Variants in PAK1 observed in about 807,000 individuals in gnomAD.
The protein encoded by PAK1 is serine/threonine-protein kinase PAK 1.
A neutral mutation model predicts 67.4 loss-of-function variants in PAK1; 29 were observed. The observed-to-expected ratio is 0.43, with a 90% CI of 0.32 to 0.59. The LOEUF (loss-of-function observed/expected upper bound fraction) is 0.59, where lower values mean the gene tolerates loss of function less well. Ranked by LOEUF, PAK1 falls within the 20% of genes least tolerant of loss-of-function variation. The pLI is 0.07. For missense variants in PAK1, 337 were observed against 670.7 expected (o/e 0.50, Z 5.50); for synonymous variants, 223 against 237.4 (o/e 0.94, Z 0.56).
chr11:77,396,197 A>G (rs913567102), intron 1 of PAK1, among the ~76,000 whole-genome samples: 1 of 152,226 alleles, frequency 6.6e-6, no homozygotes. Flanking sequence ...AAGAGATTCC[A>G]TTATTACTTA....
At chr11:77,453,570 C>T (rs534760056) in intron 1 of PAK1, among the ~76,000 whole-genome samples, 53 of 149,396 alleles carry the variant, frequency 3.5e-4, no homozygotes, top group African/African-American at 1.2e-3. Context: ...TTTTAATTAC[C>T]TCACAGGAGA....
chr11:77,356,972 A>G (rs902471961), intron 6 of PAK1, among the ~76,000 whole-genome samples: 15 of 152,216 alleles, frequency 9.9e-5, no homozygotes, highest in Non-Finnish European at 1.8e-4. Flanking sequence ...TGCATAGTCC[A>G]TAAACAGTAT....
chr11:77,424,592 TTC>T (rs1955453960), intron 1 of PAK1, among the ~76,000 whole-genome samples: 1 of 152,230 alleles, frequency 6.6e-6, no homozygotes, highest in Non-Finnish European at 1.5e-5. Context: ...TGAGGAATGT[TTC>T]TCTTATTTGT....
rs954898773 is a variant in PAK1 at position 77,367,351 on chromosome 11, C to T, written c.477+6977G>A. On this transcript the variant is annotated intron_variant, in intron 5 of 14. Transcript: ENST00000356341. ...ATAAATATGAGCAGACCTCTGAATA[C>T]GCAAGGAAAACCTCTAACATAAAAG... is the stretch of plus-strand genomic sequence containing the variant. Among the ~76,000 whole-genome samples, 11 of 151,996 alleles carry T rather than the reference C, an allele frequency of 7.2e-5. No homozygotes were observed. The East Asian group carries it at 1.7e-3, about 24-fold the overall frequency.
chr11:77,481,190 A>G, the PAK1 span, among the ~76,000 whole-genome samples: 7 of 152,212 alleles, frequency 4.6e-5, no homozygotes, highest in African/African-American at 1.7e-4. Flanking sequence ...TATCAAGTAT[A>G]TTAACTACAT....
chr11:77,323,036 A>T lies in PAK1; in HGVS notation c.*238T>A, dbSNP rs1938756148. 1 of 742,286 alleles carries T rather than the reference A, an allele frequency of 1.3e-6. No homozygotes were observed. The highest frequency in any genetic ancestry group is 2.4e-6 in the Non-Finnish European group (1 of 425,188). 46.0% of individuals were successfully genotyped at this position (742,286 alleles called of 1,614,324 possible). A position where few individuals can be genotyped will look rare whatever the true frequency, so the allele number is the denominator to read the frequency against. On this transcript the variant is annotated 3_prime_UTR_variant, in exon 15 of 15. Transcript: ENST00000356341. ...ACCCTTAATCATAAACCACCCTCAT[A>T]TCCATGAATTGGGAGGAAATTCCTT...
At chr11:77,523,241 T>A in the PAK1 span, among the ~76,000 whole-genome samples, 1 of 152,192 alleles carries the variant, frequency 6.6e-6, no homozygotes, top group African/African-American at 2.4e-5. Flanking sequence ...AAAAATTTTT[T>A]AAAAGGTTCT....
intron 12 of PAK1, 99 bp downstream of exon 12, chr11:77,337,206 CATGAAATCATAAAGACCCT>C: frequency 1.9e-6 from 1 of 537,582 alleles, no homozygotes; most frequent in Non-Finnish European, 3.4e-6. Context: ...CCTCATATCC[CATGAAATCATAAAGACCCT>C]TTGGTGAGTG....
chr11:77,400,013 G>A (rs1158220803), intron 1 of PAK1, among the ~76,000 whole-genome samples: 1 of 152,032 alleles, frequency 6.6e-6, no homozygotes, highest in African/African-American at 2.4e-5. Context: ...CTCACTGTAA[G>A]ATTCTTCTGA....
the PAK1 span, among the ~76,000 whole-genome samples, chr11:77,490,293 C>CA: frequency 6.7e-6 from 1 of 149,578 alleles, no homozygotes; most frequent in African/African-American, 2.5e-5. Context: ...GGGGTCAGCC[C>CA]CCCCACCCGG....
At chr11:77,365,428 G>GA (rs1947412060) in intron 5 of PAK1, among the ~76,000 whole-genome samples, 1 of 149,988 alleles carries the variant, frequency 6.7e-6, no homozygotes, top group Non-Finnish European at 1.5e-5. Flanking sequence ...AAAAAAAAAA[G>GA]ACACAGAAAA....
At chr11:77,419,527 C>T (rs974207960) in intron 1 of PAK1, among the ~76,000 whole-genome samples, 5 of 152,146 alleles carry the variant, frequency 3.3e-5, no homozygotes, top group Non-Finnish European at 5.9e-5. Flanking sequence ...AGCAAATGAT[C>T]AATAATCATT....
rs897439062 is a variant in PAK1 at position 77,410,267 on chromosome 11, C to T, written c.-21-17726G>A. Among the ~76,000 whole-genome samples, 3 of 152,154 alleles carry T rather than the reference C, an allele frequency of 2.0e-5. No individual in the cohort carries two copies. In the East Asian group the frequency reaches 5.8e-4, roughly 29 times the overall value. On this transcript the variant is annotated intron_variant, in intron 1 of 14. Transcript: ENST00000356341. ...CATTCTTGCTCTCCTCCCACTCAGG[C>T]CCCCCACTTCCCATCTTGCTTATTC...
chr11:77,388,294 C>T (rs1043220970), intron 2 of PAK1, among the ~76,000 whole-genome samples: 3 of 152,232 alleles, frequency 2.0e-5, no homozygotes, highest in African/African-American at 7.2e-5. Flanking sequence ...CCTATATAGA[C>T]AAGCCTGATC....
intron 1 of PAK1, among the ~76,000 whole-genome samples, chr11:77,398,511 A>T (rs971745054): frequency 4.6e-5 from 7 of 151,970 alleles, no homozygotes; most frequent in African/African-American, 1.7e-4. Context: ...AAATGACAGG[A>T]TCTCATTCTT....
At chr11:77,381,138 A>T (rs1949753437) in intron 2 of PAK1, among the ~76,000 whole-genome samples, 3 of 144,368 alleles carry the variant, frequency 2.1e-5, no homozygotes, top group Non-Finnish European at 3.0e-5. Flanking sequence ...CTCACCACAG[A>T]GTGTGTGTGT....
intron 2 of PAK1, 58 bp downstream of exon 2, chr11:77,392,273 T>C (rs1385005971): frequency 1.7e-6 from 2 of 1,197,322 alleles, no homozygotes; most frequent in Non-Finnish European, 2.3e-6. Flanking sequence ...TTATCCAGGT[T>C]ACCCAAAATA....
At chr11:77,473,207 T>C (rs2135594354) in intron 1 of PAK1, among the ~76,000 whole-genome samples, 1 of 152,316 alleles carries the variant, frequency 6.6e-6, no homozygotes, top group African/African-American at 2.4e-5. Flanking sequence ...GACTGCGAAG[T>C]TCGGGACGGA....
intron 1 of PAK1, among the ~76,000 whole-genome samples, chr11:77,443,128 T>G (rs137901356): frequency 0.032 from 4,877 of 151,772 alleles, 130 homozygotes; most frequent in African/African-American, 0.074. Flanking sequence ...ATCAAGACCA[T>G]CATGGCCAAC....
Sources: allele counts gnomAD v4.1 joint callset (sites outside exome capture counted in the v4.1 genomes callset), GRCh38; gene constraint gnomAD v4.1.1; transcripts MANE v1.5; gene names NCBI Gene and HGNC (gene_info 2026-07-23, HGNC 2026-07-21).